The following ADIPOR2 variants were observed in gnomAD, a reference collection of about 807,000 sequenced individuals.
ADIPOR2 encodes adiponectin receptor protein 2.
Under a neutral mutation model 40.9 loss-of-function variants are expected in ADIPOR2, and 18 were observed. The observed-to-expected ratio is 0.44, with a 90% CI of 0.30 to 0.65. ADIPOR2 has a LOEUF of 0.65. Among genes scored for constraint, ADIPOR2 ranks in the 30% least tolerant of loss-of-function variants. ADIPOR2 has a pLI of 0.09. For missense variants in ADIPOR2, 283 were observed against 479.2 expected (o/e 0.59, Z 3.82); for synonymous variants, 165 against 166.4 (o/e 0.99, Z 0.06).
At chr12:1,724,398 G>C (rs552061483) in intron 1 of ADIPOR2, among the ~76,000 whole-genome samples, 14 of 152,258 alleles carry the variant, frequency 9.2e-5, no homozygotes, top group Middle Eastern at 6.8e-3. Flanking sequence ...GTCACAAAAA[G>C]ACAAATACTG....
intron 1 of ADIPOR2, among the ~76,000 whole-genome samples, chr12:1,733,082 T>C (rs959947819): frequency 6.6e-6 from 1 of 152,198 alleles, no homozygotes; most frequent in Non-Finnish European, 1.5e-5. Context: ...TGTGGCTTTC[T>C]AGACAAGAGT....
chr12:1,729,667 ATTATTTTC>A (rs1197006655), intron 1 of ADIPOR2, among the ~76,000 whole-genome samples: 1 of 91,512 alleles, frequency 1.1e-5, no homozygotes, highest in African/African-American at 4.4e-5. Context: ...ATAACTTCTA[ATTATTTTC>A]TTATCCTATC....
At chr12:1,782,931 A>AT (rs1314970905) in intron 6 of ADIPOR2, among the ~76,000 whole-genome samples, 3 of 139,012 alleles carry the variant, frequency 2.2e-5, no homozygotes, top group African/African-American at 8.1e-5. Flanking sequence ...TTTAGATTAA[A>AT]TTTTTTCTTC....
intron 1 of ADIPOR2, among the ~76,000 whole-genome samples, chr12:1,753,571 A>G: frequency 6.6e-6 from 1 of 152,264 alleles, no homozygotes; most frequent in Non-Finnish European, 1.5e-5. Context: ...AATAACTCAA[A>G]AAAGTTGAAA....
intron 2 of ADIPOR2, chr12:1,757,340 A>G (rs1196322602): frequency 7.2e-6 from 5 of 694,688 alleles, no homozygotes; most frequent in Non-Finnish European, 1.3e-5. Flanking sequence ...TGCCCTTGCC[A>G]ATAACAAAAA....
chr12:1,730,565 C>G (rs1194977845), intron 1 of ADIPOR2, among the ~76,000 whole-genome samples: 1 of 148,386 alleles, frequency 6.7e-6, no homozygotes, highest in African/African-American at 2.5e-5. Context: ...TGCAGTGAGC[C>G]GAGATAGTGC....
chr12:1,721,097 C>T lies in ADIPOR2; in HGVS notation c.-87+29906C>T, dbSNP rs1018379646. 1.1e-4 allele frequency among the ~76,000 whole-genome samples: 17 copies of T among 152,060 alleles called. 1 individual carries two copies. The highest frequency in any genetic ancestry group is 5.9e-4 in the Admixed American group (9 of 15,264). On this transcript the variant is annotated intron_variant, in intron 1 of 7. Coordinates refer to ENST00000357103, the MANE Select transcript of ADIPOR2 (RefSeq NM_024551.3). ...TATTGATCGGTGTCTCAAGTCTCCCCGAAATGTATAAAACTAAACTTTGCC... is the reference window on the plus strand; with the variant it reads ...TATTGATCGGTGTCTCAAGTCTCCCTGAAATGTATAAAACTAAACTTTGCC...
At chr12:1,707,546 T>C (rs10773981) in intron 1 of ADIPOR2, among the ~76,000 whole-genome samples, 124,148 of 152,058 alleles carry the variant, frequency 0.82, 51,343 homozygotes, top group East Asian at 0.9. Context: ...CTCACTGCAG[T>C]CTTGACTTCC....
intron 1 of ADIPOR2, among the ~76,000 whole-genome samples, chr12:1,731,918 C>G (rs2094721242): frequency 6.6e-6 from 1 of 151,988 alleles, no homozygotes; most frequent in East Asian, 1.9e-4. Context: ...GAGCCGAGAT[C>G]GTGCAGCTGC....
intron 2 of ADIPOR2, among the ~76,000 whole-genome samples, chr12:1,769,292 G>T (rs1328712668): frequency 6.6e-6 from 1 of 152,116 alleles, no homozygotes; most frequent in African/African-American, 2.4e-5. Flanking sequence ...GTTTTAGCCA[G>T]TGTTTAACTC....
chr12:1,754,881 A>C (rs1398179444), intron 2 of ADIPOR2, among the ~76,000 whole-genome samples: 167 of 59,086 alleles, frequency 2.8e-3, no homozygotes, highest in Non-Finnish European at 4.7e-3. Context: ...TGCCAGGCTA[A>C]TTTTTGTAGC....
At chr12:1,697,981 G>A (rs568854496) in intron 1 of ADIPOR2, 1 of 152,378 alleles carries the variant, frequency 6.6e-6, no homozygotes, top group South Asian at 2.1e-4. Flanking sequence ...GTCAGCCAGT[G>A]GCTCCACTTT....
intron 1 of ADIPOR2, among the ~76,000 whole-genome samples, chr12:1,752,739 A>G (rs1490709109): frequency 3.9e-5 from 6 of 152,214 alleles, no homozygotes; most frequent in African/African-American, 1.4e-4. Context: ...ATTATCTGGT[A>G]CAGAATTTAC....
intron 3 of ADIPOR2, among the ~76,000 whole-genome samples, chr12:1,776,106 C>CA (rs1862588256): frequency 6.6e-6 from 1 of 152,046 alleles, no homozygotes; most frequent in Middle Eastern, 3.2e-3. Flanking sequence ...AGGGAAGAGG[C>CA]AGGGGGCTAG....
In ADIPOR2 at chr12:1,781,110, C is replaced by G. The variant is rs372682811; in HGVS notation, c.838+34C>G. On this transcript the variant is annotated intron_variant, in intron 6 of 7. Transcript: ENST00000357103. Reference sequence around the variant, plus strand: ...ACGGGGAGGTTCTACATTCGACATTCATTTATTCACTAGTTAAATTCACTA... The same window carrying G: ...ACGGGGAGGTTCTACATTCGACATTGATTTATTCACTAGTTAAATTCACTA... 2.7e-5 allele frequency: 41 copies of G among 1,501,980 alleles called. No homozygotes were observed. The African/African-American group carries it at 5.4e-4, about 20-fold the overall frequency. 93.0% of individuals were successfully genotyped at this position (1,501,980 alleles called of 1,614,324 possible). A position where few individuals can be genotyped will look rare whatever the true frequency, so the allele number is the denominator to read the frequency against.
At position 1,787,150 on chromosome 12, in the gene ADIPOR2, T is replaced by G. The variant is rs943922315; in HGVS notation, c.*1078T>G. On this transcript the variant is annotated 3_prime_UTR_variant, in exon 8 of 8. Coordinates refer to ENST00000357103, the MANE Select transcript of ADIPOR2 (RefSeq NM_024551.3). Reference sequence around the variant, plus strand: ...TAAAAATCACTGCCCTAACTACACTTCCTCCTTGAGGGAATAGAAATGGAC... The same window carrying G: ...TAAAAATCACTGCCCTAACTACACTGCCTCCTTGAGGGAATAGAAATGGAC... The G allele has an allele frequency of 3.3e-5, 5 of 152,186 alleles. No individual in the cohort carries two copies. The highest frequency in any genetic ancestry group is 1.2e-4 in the African/African-American group (5 of 41,448). The allele number at this position is 152,186 out of a possible 1,614,324, so 9.4% of individuals were successfully genotyped here.
chr12:1,782,544 A>T (rs1003067294), intron 6 of ADIPOR2, among the ~76,000 whole-genome samples: 3 of 152,222 alleles, frequency 2.0e-5, no homozygotes, highest in Non-Finnish European at 4.4e-5. Context: ...TTTCTATTAC[A>T]GTCCTGAACA....
At chr12:1,723,464 A>G (rs1274000288) in intron 1 of ADIPOR2, among the ~76,000 whole-genome samples, 36 of 6,706 alleles carry the variant, frequency 5.4e-3, no homozygotes, top group African/African-American at 8.3e-3. Flanking sequence ...GTCTCTACTG[A>G]AAAAAAAAAA....
At chr12:1,741,432 T>C (rs2094742687) in intron 1 of ADIPOR2, among the ~76,000 whole-genome samples, 1 of 152,196 alleles carries the variant, frequency 6.6e-6, no homozygotes, top group Admixed American at 6.5e-5. Context: ...GGATTAAGTA[T>C]GGGGGCTTAG....
Sources: allele counts gnomAD v4.1 joint callset (sites outside exome capture counted in the v4.1 genomes callset), GRCh38; gene constraint gnomAD v4.1.1; transcripts MANE v1.5; gene names NCBI Gene and HGNC (gene_info 2026-07-23, HGNC 2026-07-21).